Variants in ANAPC2 observed in about 807,000 individuals in gnomAD.
The protein encoded by ANAPC2 is anaphase-promoting complex subunit 2.
In ANAPC2, 29 loss-of-function variants were observed where a neutral mutation model predicts 84.3. The ratio of observed to expected loss-of-function variants is 0.34; its 90% CI spans 0.26 to 0.47. The LOEUF is 0.47. ANAPC2 is among the 20% of genes least tolerant of loss of function. The pLI is 1.00. For missense variants in ANAPC2, 857 were observed against 1,131.7 expected (o/e 0.76, Z 3.48); for synonymous variants, 571 against 479.4 (o/e 1.19, Z -2.50).
Position 137,184,895 on chromosome 9 carries a change from G to C in ANAPC2, c.1048+18C>G, listed in dbSNP as rs1157738555. 1.2e-6 allele frequency: 2 copies of C among 1,609,400 alleles called. No homozygotes were observed. The highest frequency in any genetic ancestry group is 3.4e-5 in the Admixed American group (2 of 58,692). On this transcript the variant is annotated intron_variant, in intron 4 of 12. Coordinates refer to ENST00000323927, the MANE Select transcript of ANAPC2 (RefSeq NM_013366.4). ...TCCCCAGACGGGAGAGCGGACCCCA[G>C]GGCCGGGGCAGGACCACCTCGGACG...
At chr9:137,187,296 G>T in intron 2 of ANAPC2, 185 bp downstream of exon 2, 2 of 736,554 alleles carry the variant, frequency 2.7e-6, no homozygotes, top group South Asian at 2.0e-5. Context: ...GGGACTGAAG[G>T]TGAGTGACAG....
rs1020372761 is a variant in ANAPC2 at position 137,174,869 on chromosome 9, G to A, written c.*73C>T. On this transcript the variant is annotated 3_prime_UTR_variant, in exon 13 of 13. Coordinates refer to ENST00000323927, the MANE Select transcript of ANAPC2 (RefSeq NM_013366.4). The surrounding 1 kb of genome is among the most constrained non-coding windows in gnomAD (Gnocchi z 6.1). Reference sequence around the variant, plus strand: ...AGTGCATTCTGGGACACGGGCGGGCGGGGGCTGGCACGGGAGGACGAGAGC... The same window carrying A: ...AGTGCATTCTGGGACACGGGCGGGCAGGGGCTGGCACGGGAGGACGAGAGC... 2.5e-5 allele frequency: 36 copies of A among 1,457,996 alleles called. No individual in the cohort carries two copies. The highest frequency in any genetic ancestry group is 2.5e-4 in the Middle Eastern group (1 of 4,060). 90.3% of individuals were successfully genotyped at this position (1,457,996 alleles called of 1,614,324 possible).
rs201782930 is a variant in ANAPC2 at position 137,184,938 on chromosome 9, G to A, written c.1023C>T (p.Ile341=). ...CTCGGACGATGCTGAAGAGCTCCTC[G>A]ATGCGCAGGCTGGCGTAGATGCGGT... ...FFYRIYASLR[I]EELFSIVRDF... is the part of the protein sequence containing the mutation. Residue 341 remains isoleucine (I), a synonymous_variant, in exon 4 of 13, where the codon ATC becomes ATT. Coordinates refer to ENST00000323927, the MANE Select transcript of ANAPC2 (RefSeq NM_013366.4). The A allele has an allele frequency of 8.2e-5, 133 of 1,612,806 alleles. 1 individual carries two copies. In the Admixed American group the frequency reaches 1.6e-3, roughly 19 times the overall value.
At chr9:137,184,837 A>G in intron 4 of ANAPC2, 76 bp downstream of exon 4, 2 of 1,556,236 alleles carry the variant, frequency 1.3e-6, no homozygotes, top group African/African-American at 1.4e-5. Context: ...AGATGCAGAC[A>G]CAGAGGAGAC....
chr9:137,185,556 C>G (rs28452292), intron 3 of ANAPC2, among the ~76,000 whole-genome samples: 37,598 of 152,230 alleles, frequency 0.25, 4,865 homozygotes, highest in South Asian at 0.33. Context: ...GATGTTCACC[C>G]TCTCCACCCT....
intron 6 of ANAPC2, among the ~76,000 whole-genome samples, chr9:137,182,193 A>T (rs1229670969): frequency 1.3e-5 from 2 of 152,246 alleles, no homozygotes; most frequent in East Asian, 3.9e-4. Flanking sequence ...ACAGAGCGAG[A>T]GCCTGCCTCA....
At position 137,175,143 on chromosome 9, in the gene ANAPC2, C is replaced by T. The variant is rs776318474; in HGVS notation, c.2268G>A (p.Thr756=). The change falls in exon 13 of 13, where the codon ACG becomes ACA. Residue 756 remains threonine, a synonymous_variant. Transcript: ENST00000323927. The part of the protein sequence containing the change: ...QKEEELLLFW[T]YIQAMLTNLE... Reference sequence around the variant, plus strand: ...GGTTGGTCAGCATGGCCTGGATGTACGTCCAGAAGAGCTGCGGACACAGGC... The same window carrying T: ...GGTTGGTCAGCATGGCCTGGATGTATGTCCAGAAGAGCTGCGGACACAGGC... 41 of 1,607,498 alleles carry T rather than the reference C, an allele frequency of 2.6e-5. No homozygotes were observed. Among genetic ancestry groups the T allele is most frequent in the South Asian group, 1.8e-4 (16 of 90,306 alleles).
chr9:137,187,273 G>A, intron 2 of ANAPC2: 1 of 661,394 alleles, frequency 1.5e-6, no homozygotes, highest in Non-Finnish European at 2.5e-6. Context: ...CCAGGGTCAA[G>A]GCATGAATCT....
intron 1 of ANAPC2, 72 bp downstream of exon 1, chr9:137,188,344 G>T: frequency 1.3e-6 from 2 of 1,496,392 alleles, no homozygotes; most frequent in South Asian, 1.2e-5. Context: ...ATGAACCCGA[G>T]GGTAGCGGCC....
intron 1 of ANAPC2, 29 bp downstream of exon 1, chr9:137,188,387 G>C (rs750007776): frequency 3.8e-6 from 6 of 1,592,092 alleles, no homozygotes; most frequent in Non-Finnish European, 5.1e-6. Context: ...AACTCCGCGC[G>C]GGGCCGCCCC....
In ANAPC2 at chr9:137,180,205, G is replaced by A; in HGVS notation, c.1866C>T (p.Tyr622=). 1.2e-6 allele frequency: 2 copies of A among 1,613,720 alleles called. No individual in the cohort carries two copies. Among genetic ancestry groups the A allele is most frequent in the East Asian group, 2.2e-5 (1 of 44,870 alleles). The change falls in exon 10 of 13, where the codon TAC becomes TAT. Residue 622 remains tyrosine, a synonymous_variant. Coordinates refer to ENST00000323927, the MANE Select transcript of ANAPC2 (RefSeq NM_013366.4). ...CCTTGAGCTGCTCATACTTCTTGCAGTAAGCCTCCAGGGCTGCCCTGATAT... is the reference window on the plus strand; with the variant it reads ...CCTTGAGCTGCTCATACTTCTTGCAATAAGCCTCCAGGGCTGCCCTGATAT... ...PEDIRAALEA[Y]CKKYEQLKAM... is the part of the protein sequence containing the mutation.
Position 137,175,362 on chromosome 9 carries a change from CG to C in ANAPC2, c.2130del (p.Gly711AlafsTer52). 6.2e-7 allele frequency: 1 copy of C among 1,611,772 alleles called. No homozygotes were observed. Among genetic ancestry groups the C allele is most frequent in the Non-Finnish European group, 8.5e-7 (1 of 1,179,568 alleles). ...TCCTCCTCAATGACAGAGAAGGTGC[CG>C]GGGGGCTCCTCACGCAGCACACCCT... ...LQQGVLREEP[P>X]GTFSVIEEER... is the part of the protein sequence containing the mutation. On this transcript the variant is annotated frameshift_variant, in exon 12 of 13. Transcript: ENST00000323927. LOFTEE classifies it high-confidence loss of function.
intron 1 of ANAPC2, 105 bp from the exon 2 acceptor site, chr9:137,188,208 C>T (rs899792348): frequency 1.9e-4 from 270 of 1,438,214 alleles, no homozygotes; most frequent in Non-Finnish European, 2.3e-4. Flanking sequence ...CCGCTGCCCC[C>T]TGTCCGTGCT....
At chr9:137,178,850 G>C (rs1834279522) in intron 10 of ANAPC2, among the ~76,000 whole-genome samples, 1 of 152,170 alleles carries the variant, frequency 6.6e-6, no homozygotes, top group Non-Finnish European at 1.5e-5. Flanking sequence ...CCTGCCCTGG[G>C]GGCCTCCGCC....
At chr9:137,177,975 C>T (rs1834261228) in intron 10 of ANAPC2, among the ~76,000 whole-genome samples, 1 of 152,204 alleles carries the variant, frequency 6.6e-6, no homozygotes, top group Admixed American at 6.5e-5. Flanking sequence ...CTGACCCTGA[C>T]TTTAGACTTC....
At chr9:137,187,308 A>G in intron 2 of ANAPC2, 173 bp downstream of exon 2, 1 of 807,810 alleles carries the variant, frequency 1.2e-6, no homozygotes, top group Non-Finnish European at 1.9e-6. Flanking sequence ...GAGTGACAGA[A>G]GAGAGACACC....
chr9:137,178,727 A>G (rs1834276628), intron 10 of ANAPC2, among the ~76,000 whole-genome samples: 1 of 150,728 alleles, frequency 6.6e-6, no homozygotes, highest in African/African-American at 2.5e-5. Context: ...CAGACCCTCC[A>G]CAAGCTGCAA....
chr9:137,182,684 G>A (rs1027016470), intron 6 of ANAPC2, among the ~76,000 whole-genome samples: 2 of 152,136 alleles, frequency 1.3e-5, no homozygotes, highest in Admixed American at 1.3e-4. Context: ...GGAATTCCCA[G>A]GCAGCCATGT....
At chr9:137,181,657 A>G (rs1453659578) in intron 7 of ANAPC2, 24 bp downstream of exon 7, 1 of 1,566,462 alleles carries the variant, frequency 6.4e-7, no homozygotes, top group Admixed American at 1.8e-5. Context: ...CACTGGTGAA[A>G]GGGACCATGT....
Sources: gnomAD v4.1 joint callset for allele counts (sites outside exome capture counted in the v4.1 genomes callset) on GRCh38, gnomAD v4.1.1 for gene constraint, Gnocchi (gnomAD v3.1) non-coding constraint, MANE v1.5 for transcripts, NCBI Gene and HGNC (gene_info 2026-07-23, HGNC 2026-07-21) for gene names.